SERPINA12: variants seen among roughly 807,000 people sequenced by gnomAD.
SERPINA12 encodes serpin family A member 12.
In SERPINA12, 21 loss-of-function variants were observed where a neutral mutation model predicts 25.9. That is an observed-to-expected ratio of 0.81 (90% CI 0.58 to 1.17). SERPINA12 has a LOEUF of 1.17. Among genes scored for constraint, SERPINA12 ranks in the 50% most tolerant of loss-of-function variants. The pLI, the probability that SERPINA12 is intolerant of heterozygous loss-of-function variation, is 0.00. For missense variants in SERPINA12, 562 were observed against 508.3 expected, an observed-to-expected ratio of 1.11 and a Z score of -1.02; for synonymous variants, 220 against 196.0, an observed-to-expected ratio of 1.12 and a Z score of -1.02.
At chr14:94,491,588 A>T (rs1383240294) in intron 3 of SERPINA12, among the ~76,000 whole-genome samples, 1 of 152,080 alleles carries the variant, frequency 6.6e-6, no homozygotes, top group Non-Finnish European at 1.5e-5. Flanking sequence ...AGCCACAGAG[A>T]CGGCGGAAAG....
At chr14:94,489,270 GAAAGAAAGA>G (rs1171718616) in intron 4 of SERPINA12, among the ~76,000 whole-genome samples, 3 of 150,016 alleles carry the variant, frequency 2.0e-5, no homozygotes, top group African/African-American at 7.6e-5. Context: ...GAAAGAGAAA[GAAAGAAAGA>G]AAAGAAAGAA....
chr14:94,508,964 T>C (rs1290139080), intron 1 of SERPINA12, among the ~76,000 whole-genome samples: 1 of 152,184 alleles, frequency 6.6e-6, no homozygotes, highest in Non-Finnish European at 1.5e-5. Context: ...TCATACCAAC[T>C]TTGCAAGTTT....
At position 94,498,111 on chromosome 14, in the gene SERPINA12, T is replaced by C. The variant is rs1209256209; in HGVS notation, c.287A>G (p.Asp96Gly). 5 of 1,614,156 alleles carry C rather than the reference T, an allele frequency of 3.1e-6. No homozygotes were observed. The highest frequency in any genetic ancestry group is 3.4e-6 in the Non-Finnish European group (4 of 1,180,038). Residue 96 changes from aspartate to glycine, a missense_variant, in exon 2 of 5, where the codon GAC becomes GGC. Transcript: ENST00000677451. ...GAAGTTGAACCCCTGCTTGATCTCG[T>C]CCAGGGTGCTGTCCTGGGCACCCAG... ...LCLGAQDSTL[D>G]EIKQGFNFRK...
chr14:94,503,359 A>T (rs1951007), intron 1 of SERPINA12: 103 of 980,666 alleles, frequency 1.1e-4, no homozygotes, highest in Non-Finnish European at 1.2e-4. Context: ...TTCTGCCTTC[A>T]TTCCTTAAGA....
intron 3 of SERPINA12, among the ~76,000 whole-genome samples, chr14:94,493,938 A>G (rs369541067): frequency 3.3e-5 from 5 of 152,162 alleles, no homozygotes; most frequent in East Asian, 1.9e-4. Context: ...GGGGCTGCAG[A>G]GGGCCTCAGT....
chr14:94,506,859 C>A (rs1318941590), intron 1 of SERPINA12, among the ~76,000 whole-genome samples: 1 of 152,172 alleles, frequency 6.6e-6, no homozygotes, highest in Non-Finnish European at 1.5e-5. Context: ...CAAGTGATTC[C>A]CACCTGATGA....
At chr14:94,495,315 G>A (rs1441964858) in intron 3 of SERPINA12, among the ~76,000 whole-genome samples, 5 of 151,796 alleles carry the variant, frequency 3.3e-5, no homozygotes, top group African/African-American at 4.8e-5. Context: ...TGATCCGCCC[G>A]CCTCGGCCTC....
chr14:94,502,024 ATGTGTGTGTG>A (rs10626991), intron 1 of SERPINA12, among the ~76,000 whole-genome samples: 2 of 144,602 alleles, frequency 1.4e-5, no homozygotes, highest in Non-Finnish European at 3.1e-5. Flanking sequence ...TTAGTTTGGA[ATGTGTGTGTG>A]TGTGTGTGTG....
chr14:94,504,219 G>T (rs767638544), intron 1 of SERPINA12: 1 of 152,180 alleles, frequency 6.6e-6, no homozygotes, highest in South Asian at 2.1e-4. Context: ...GGAAGAGTAA[G>T]GCCAATACAA....
intron 1 of SERPINA12, chr14:94,500,756 C>T (rs565154147): frequency 6.6e-6 from 4 of 602,990 alleles, no homozygotes; most frequent in East Asian, 2.8e-4. Flanking sequence ...TAAGAGAAAC[C>T]GGGGCTGGGT....
At chr14:94,517,107 C>T (rs1188848843) in intron 1 of SERPINA12, among the ~76,000 whole-genome samples, 2 of 152,230 alleles carry the variant, frequency 1.3e-5, no homozygotes, top group Admixed American at 1.3e-4. Context: ...AGCCAAGGAC[C>T]ACACGTAGTT....
Position 94,487,447 on chromosome 14 carries a change from C to A in SERPINA12, c.1101G>T (p.Gly367=), listed in dbSNP as rs1040482215. ...GAGTCTGTGCTCCGGTGCCAGCGGC[C>A]CCTTCCGTACCCCTCTCATCCATCT... ...ELKMDERGTE[G]AAGTGAQTLP... Residue 367 remains glycine, a synonymous_variant, in exon 5 of 5, where the codon GGG becomes GGT. Transcript: ENST00000677451. 4 of 1,613,916 alleles carry A rather than the reference C, an allele frequency of 2.5e-6. No individual in the cohort carries two copies. Among genetic ancestry groups the A allele is most frequent in the African/African-American group, 2.7e-5 (2 of 74,914 alleles).
upstream of SERPINA12, among the ~76,000 whole-genome samples, chr14:94,509,617 G>A (rs1901057061): frequency 6.6e-6 from 1 of 152,280 alleles, no homozygotes; most frequent in East Asian, 1.9e-4. Context: ...AGAGAGCAAT[G>A]CGTCTGGGAG....
intron 3 of SERPINA12, among the ~76,000 whole-genome samples, chr14:94,491,959 A>G (rs1900194855): frequency 6.6e-6 from 1 of 152,156 alleles, no homozygotes; most frequent in African/African-American, 2.4e-5. Context: ...AGGGGTAAGT[A>G]TAGACAGAAA....
rs144087364 is a variant in SERPINA12 at position 94,498,948 on chromosome 14, G to A, written c.-33-518C>T. On this transcript the variant is annotated intron_variant, in intron 1 of 4. Coordinates refer to ENST00000677451, the MANE Select transcript of SERPINA12 (RefSeq NM_001382267.1). ...CATGGTTTCCACATGTAGAAGGAGA[G>A]GAGAGTGATAGAGGGAGGTGGAAAG... Among the ~76,000 whole-genome samples the A allele has an allele frequency of 2.8e-3, 424 of 152,292 alleles. 1 individual carries two copies. The highest frequency in any genetic ancestry group is 9.7e-3 in the African/African-American group (403 of 41,548).
chr14:94,505,799 C>A (rs531123967), intron 1 of SERPINA12, among the ~76,000 whole-genome samples: 4 of 152,154 alleles, frequency 2.6e-5, no homozygotes, highest in Non-Finnish European at 5.9e-5. Context: ...GCCCACTGAG[C>A]GACACGGGCA....
intron 4 of SERPINA12, among the ~76,000 whole-genome samples, 195 bp downstream of exon 4, chr14:94,489,425 G>A (rs996088618): frequency 2.6e-5 from 4 of 152,166 alleles, no homozygotes; most frequent in South Asian, 2.1e-4. Flanking sequence ...TTTAAAGACT[G>A]GAAGCATGAG....
chr14:94,501,845 C>A (rs527833395), intron 1 of SERPINA12, among the ~76,000 whole-genome samples: 1 of 152,288 alleles, frequency 6.6e-6, no homozygotes, highest in African/African-American at 2.4e-5. Flanking sequence ...CCATTCCGGG[C>A]CTTTCCATCT....
chr14:94,517,136 ATG>A (rs1293400788), intron 1 of SERPINA12, among the ~76,000 whole-genome samples: 1 of 152,222 alleles, frequency 6.6e-6, no homozygotes, highest in African/African-American at 2.4e-5. Context: ...CTCAGCATAA[ATG>A]TGTGTGAGTG....
Sources: allele counts gnomAD v4.1 joint callset (sites outside exome capture counted in the v4.1 genomes callset), GRCh38; gene constraint gnomAD v4.1.1; transcripts MANE v1.5; gene names NCBI Gene and HGNC (gene_info 2026-07-23, HGNC 2026-07-21).